MTAP: variants seen among roughly 807,000 people sequenced by gnomAD.
The protein encoded by MTAP is S-methyl-5'-thioadenosine phosphorylase.
MTAP carries 33 observed loss-of-function variants against 33.6 expected under a neutral mutation model. The observed-to-expected ratio is 0.98, with a 90% confidence interval of 0.74 to 1.31. The LOEUF (loss-of-function observed/expected upper bound fraction) is 1.31, where lower values mean the gene tolerates loss of function less well. Among genes scored for constraint, MTAP ranks in the 40% most tolerant of loss-of-function variants. The probability of loss-of-function intolerance (pLI) is 0.00; values close to 1 mark genes in which losing one functional copy is unlikely to be tolerated. For missense variants in MTAP, 367 were observed against 360.0 expected, an observed-to-expected ratio of 1.02 and a Z score of -0.16; for synonymous variants, 148 against 125.7, an observed-to-expected ratio of 1.18 and a Z score of -1.19.
At chr9:21,803,261 G>A in intron 1 of MTAP, 1 of 285,416 alleles carries the variant, frequency 3.5e-6, no homozygotes, top group Non-Finnish European at 6.5e-6. Flanking sequence ...CTCTGACTCT[G>A]CTTGTTGCCT....
At chr9:21,804,770 T>G (rs1003461407) in intron 1 of MTAP, among the ~76,000 whole-genome samples, 2 of 152,204 alleles carry the variant, frequency 1.3e-5, no homozygotes, top group African/African-American at 4.8e-5. Flanking sequence ...CAAACCCGTT[T>G]TGCGGGTGTA....
chr9:21,906,326 T>G (rs1818475994), intron 1 of MTAP, among the ~76,000 whole-genome samples: 1 of 151,996 alleles, frequency 6.6e-6, no homozygotes, highest in Admixed American at 6.6e-5. Context: ...CAAAGTAGAA[T>G]TGAAGACGTG....
At chr9:21,907,623 T>C (rs1052391180) in intron 1 of MTAP, among the ~76,000 whole-genome samples, 6 of 152,062 alleles carry the variant, frequency 3.9e-5, no homozygotes, top group African/African-American at 1.4e-4. Context: ...TTCACATACT[T>C]TCCTTAAATT....
intron 1 of MTAP, among the ~76,000 whole-genome samples, chr9:21,894,413 G>T (rs1818254492): frequency 6.6e-6 from 1 of 151,806 alleles, no homozygotes. Context: ...GAGCAATAAG[G>T]CAAGTGAAAG....
At chr9:21,907,823 ATT>A (rs1476598459) in intron 1 of MTAP, among the ~76,000 whole-genome samples, 1 of 152,138 alleles carries the variant, frequency 6.6e-6, no homozygotes, top group Non-Finnish European at 1.5e-5. Context: ...GTTGATTTTA[ATT>A]TTTTTAATTC....
Position 21,816,772 on chromosome 9 carries a change from G to GGTAT in MTAP, c.179+2_179+5dup. ...AATGTTGATTGCGTCCTCCTTGCAA[G>GGTAT]GTATGGTATTTTAAGCTTTTTGGAT... On this transcript the variant is annotated frameshift_variant and splice_region_variant. Coordinates refer to ENST00000644715, the MANE Select transcript of MTAP (RefSeq NM_002451.4). LOFTEE classifies it high-confidence loss of function. 1 of 1,608,032 alleles carries GGTAT rather than the reference G, an allele frequency of 6.2e-7. No homozygotes were observed. Among genetic ancestry groups the GGTAT allele is most frequent in the Non-Finnish European group, 8.5e-7 (1 of 1,177,396 alleles).
At chr9:21,876,456 A>G (rs780374814) in intron 1 of MTAP, among the ~76,000 whole-genome samples, 5 of 152,126 alleles carry the variant, frequency 3.3e-5, no homozygotes, top group Admixed American at 1.3e-4. Flanking sequence ...TTCTATGTCC[A>G]GGATGGTATT....
chr9:21,856,648 T>G (rs1221749309), intron 6 of MTAP, among the ~76,000 whole-genome samples: 1 of 152,178 alleles, frequency 6.6e-6, no homozygotes, highest in East Asian at 1.9e-4. Flanking sequence ...CAAATGAGGT[T>G]GGGGAAATAG....
intron 5 of MTAP, among the ~76,000 whole-genome samples, chr9:21,852,445 G>A (rs979426730): frequency 1.3e-5 from 2 of 150,842 alleles, no homozygotes; most frequent in Non-Finnish European, 2.9e-5. Flanking sequence ...GTGAGGCAGA[G>A]GTTGCAGTGA....
At chr9:21,940,996 G>C, downstream of MTAP, 1 of 985,264 alleles carries the variant, frequency 1.0e-6, no homozygotes, top group Non-Finnish European at 1.2e-6. Flanking sequence ...GTGAGTTGGA[G>C]CAAAGACCAA....
At chr9:21,904,537 G>A (rs1217067104) in intron 1 of MTAP, among the ~76,000 whole-genome samples, 2 of 152,106 alleles carry the variant, frequency 1.3e-5, no homozygotes, top group Non-Finnish European at 2.9e-5. Context: ...CACAGACACT[G>A]TATAAGTCAC....
intron 1 of MTAP, among the ~76,000 whole-genome samples, chr9:21,877,264 G>C (rs1285261095): frequency 6.6e-6 from 1 of 152,044 alleles, no homozygotes; most frequent in Non-Finnish European, 1.5e-5. Flanking sequence ...TTTGGGCTGA[G>C]ACTGGGGTTT....
intron 1 of MTAP, among the ~76,000 whole-genome samples, chr9:21,894,371 C>G (rs1219777033): frequency 6.6e-6 from 1 of 152,022 alleles, no homozygotes; most frequent in Non-Finnish European, 1.5e-5. Context: ...TCTCACCACT[C>G]CTAATCAACA....
At position 21,863,098 on chromosome 9, in the gene MTAP, C is replaced by T. The variant is rs1825785555; in HGVS notation, c.*1084C>T. On this transcript the variant is annotated 3_prime_UTR_variant, in exon 8 of 8. Transcript: ENST00000644715. ...GTCAGAACAGTACTTGGGTTTGCAA[C>T]AGCTTTCTGAGAAAAGCTAGGTGTT... 1.0e-6 allele frequency: 1 copy of T among 984,822 alleles called. No homozygotes were observed. The highest frequency in any genetic ancestry group is 1.2e-6 in the Non-Finnish European group (1 of 829,538). 61.0% of individuals were successfully genotyped at this position (984,822 alleles called of 1,614,324 possible). A position where few individuals can be genotyped will look rare whatever the true frequency, so the allele number is the denominator to read the frequency against.
At chr9:21,890,208 C>G (rs1240477948) in intron 1 of MTAP, among the ~76,000 whole-genome samples, 2 of 152,058 alleles carry the variant, frequency 1.3e-5, no homozygotes, top group African/African-American at 4.8e-5. Flanking sequence ...TCATATAAGT[C>G]ACCTGGAAGT....
At chr9:21,895,527 G>A (rs1036551686) in intron 1 of MTAP, among the ~76,000 whole-genome samples, 1 of 152,202 alleles carries the variant, frequency 6.6e-6, no homozygotes, top group Admixed American at 6.5e-5. Context: ...CCTCACCCGG[G>A]AAATGCCAGG....
At chr9:21,835,773 G>T (rs1825089914) in intron 4 of MTAP, among the ~76,000 whole-genome samples, 1 of 152,164 alleles carries the variant, frequency 6.6e-6, no homozygotes, top group Non-Finnish European at 1.5e-5. Context: ...ATTTCATTCA[G>T]CATTAACAAT....
chr9:21,869,323 A>G (rs1369066520), downstream of MTAP, among the ~76,000 whole-genome samples: 5 of 152,084 alleles, frequency 3.3e-5, no homozygotes, highest in East Asian at 1.9e-4. Context: ...CTGCATGTCA[A>G]TTTTCACACT....
At chr9:21,854,511 G>C (rs1825589171) in intron 5 of MTAP, 120 bp from the exon 6 acceptor site, 4 of 1,328,940 alleles carry the variant, frequency 3.0e-6, no homozygotes, top group Non-Finnish European at 4.0e-6. Context: ...CAGATAGTAG[G>C]CATTTATTAT....
Sources: gnomAD v4.1 joint callset for allele counts (sites outside exome capture counted in the v4.1 genomes callset) on GRCh38, gnomAD v4.1.1 for gene constraint, MANE v1.5 for transcripts, NCBI Gene and HGNC (gene_info 2026-07-23, HGNC 2026-07-21) for gene names.